The following PPARA variants were observed in gnomAD, a reference collection of about 807,000 sequenced individuals.
The protein encoded by PPARA is peroxisome proliferator-activated receptor alpha.
In PPARA, 22 loss-of-function variants were observed where a neutral mutation model predicts 42.2. The ratio of observed to expected loss-of-function variants is 0.52; its 90% CI spans 0.37 to 0.74. The LOEUF (loss-of-function observed/expected upper bound fraction) is 0.74, where lower values mean the gene tolerates loss of function less well. PPARA is among the 30% of genes least tolerant of loss of function. The pLI is 0.00. For synonymous variants in PPARA, 242 were observed against 239.3 expected (o/e 1.01, Z -0.10); for missense variants, 465 against 608.2 (o/e 0.76, Z 2.48).
In PPARA at chr22:46,180,488, G is replaced by A. The variant is rs761735961; in HGVS notation, c.-43+3652G>A. Among the ~76,000 whole-genome samples, 50 of 152,300 alleles carry A rather than the reference G, an allele frequency of 3.3e-4. No individual in the cohort carries two copies. Among genetic ancestry groups the A allele is most frequent in the Non-Finnish European group, 5.9e-4 (40 of 68,024 alleles). ...AGCCTCCATGTATTTTGTAAGTTCT[G>A]TAAATTCCTGTTTTCCCTGCACAGC... On this transcript the variant is annotated intron_variant, in intron 3 of 8. Transcript: ENST00000407236. This position sits in a 1 kb window ranked among gnomAD's most constrained non-coding sequence, Gnocchi z 4.2.
chr22:46,160,550 C>G lies in PPARA; in HGVS notation c.-127+8580C>G, dbSNP rs1204288441. 3.3e-5 allele frequency among the ~76,000 whole-genome samples: 5 copies of G among 152,150 alleles called. No homozygotes were observed. Among genetic ancestry groups the G allele is most frequent in the Non-Finnish European group, 7.3e-5 (5 of 68,032 alleles). On this transcript the variant is annotated intron_variant, in intron 2 of 8. Coordinates refer to ENST00000407236, the MANE Select transcript of PPARA (RefSeq NM_005036.6). The surrounding 1 kb of genome is among the most constrained non-coding windows in gnomAD (Gnocchi z 4.5). ...CGGCCTCATGATCCGCCCTCTGCAGCCTCCCAAAGTGCTGGGATTACAGGC... is the reference window on the plus strand; with the variant it reads ...CGGCCTCATGATCCGCCCTCTGCAGGCTCCCAAAGTGCTGGGATTACAGGC...
chr22:46,186,809 C>T (rs1216079478), intron 3 of PPARA, among the ~76,000 whole-genome samples: 1 of 152,120 alleles, frequency 6.6e-6, no homozygotes, highest in African/African-American at 2.4e-5. Flanking sequence ...CTCCAAGCCC[C>T]CACAGTGGAT....
At chr22:46,194,481 C>T (rs1931957132) in intron 3 of PPARA, among the ~76,000 whole-genome samples, 1 of 152,068 alleles carries the variant, frequency 6.6e-6, no homozygotes, top group South Asian at 2.1e-4. Flanking sequence ...GCATTTTCCA[C>T]CCCAGTGCTG....
At position 46,160,843 on chromosome 22, in the gene PPARA, C is replaced by T. The variant is rs536474021; in HGVS notation, c.-127+8873C>T. ...AACTCCTGGGCTCAAGTGATCTGTCCGCCTTGGCCTCCCAAAGTGTTGGGA... is the reference window on the plus strand; with the variant it reads ...AACTCCTGGGCTCAAGTGATCTGTCTGCCTTGGCCTCCCAAAGTGTTGGGA... On this transcript the variant is annotated intron_variant, in intron 2 of 8. Coordinates refer to ENST00000407236, the MANE Select transcript of PPARA (RefSeq NM_005036.6). The surrounding 1 kb of genome is among the most constrained non-coding windows in gnomAD (Gnocchi z 4.5). Among the ~76,000 whole-genome samples, 22 of 152,310 alleles carry T rather than the reference C, an allele frequency of 1.4e-4. No individual in the cohort carries two copies. Among genetic ancestry groups the T allele is most frequent in the South Asian group, 6.2e-4 (3 of 4,828 alleles).
At position 46,161,836 on chromosome 22, in the gene PPARA, G is replaced by A. The variant is rs949157696; in HGVS notation, c.-127+9866G>A. Among the ~76,000 whole-genome samples the A allele has an allele frequency of 6.6e-5, 10 of 152,260 alleles. No homozygotes were observed. The highest frequency in any genetic ancestry group is 1.3e-4 in the Non-Finnish European group (9 of 68,016). On this transcript the variant is annotated intron_variant, in intron 2 of 8. Coordinates refer to ENST00000407236, the MANE Select transcript of PPARA (RefSeq NM_005036.6). The surrounding 1 kb of genome is among the most constrained non-coding windows in gnomAD (Gnocchi z 4.8). Reference sequence around the variant, plus strand: ...TTCCGCGCTAGCGTTTGGTCCCTGCGCTTTTCTGGATGCCCCCACCCCCTC... The same window carrying A: ...TTCCGCGCTAGCGTTTGGTCCCTGCACTTTTCTGGATGCCCCCACCCCCTC...
intron 5 of PPARA, among the ~76,000 whole-genome samples, chr22:46,217,384 C>G (rs1400905777): frequency 1.3e-5 from 2 of 152,110 alleles, no homozygotes; most frequent in African/African-American, 4.8e-5. Flanking sequence ...TATAAAGTGG[C>G]CTTTTCCTTA....
In PPARA at chr22:46,194,592, G is replaced by C. The variant is rs867618763; in HGVS notation, c.-42-3750G>C. Among the ~76,000 whole-genome samples the C allele has an allele frequency of 2.6e-3, 241 of 93,830 alleles. 1 individual carries two copies. The highest frequency in any genetic ancestry group is 8.9e-3 in the African/African-American group (218 of 24,370). 61.6% of individuals were successfully genotyped at this position (93,830 alleles called of 152,430 possible). A position where few individuals can be genotyped will look rare whatever the true frequency, so the allele number is the denominator to read the frequency against. ...CCTTTTTTTTTTTTTTTTTTTTTGT[G>C]ACAGAGTCTCGCTTTGTCACCCAGA... On this transcript the variant is annotated intron_variant, in intron 3 of 8. Transcript: ENST00000407236.
rs1442818438 is a variant in PPARA, at chr22:46,162,294, G to A, written c.-127+10324G>A. 6.6e-6 allele frequency among the ~76,000 whole-genome samples: 1 copy of A among 152,166 alleles called. No homozygotes were observed. The highest frequency in any genetic ancestry group is 1.9e-4 in the East Asian group (1 of 5,190). On this transcript the variant is annotated intron_variant, in intron 2 of 8. Coordinates refer to ENST00000407236, the MANE Select transcript of PPARA (RefSeq NM_005036.6). The surrounding 1 kb of genome is among the most constrained non-coding windows in gnomAD (Gnocchi z 6.0). Reference sequence around the variant, plus strand: ...CTTAATGTTGTCCCATCCATCCAATGTTTATGGGATGAGAGGTTGATAGGA... The same window carrying A: ...CTTAATGTTGTCCCATCCATCCAATATTTATGGGATGAGAGGTTGATAGGA...
chr22:46,214,422 G>A (rs765493532), intron 4 of PPARA, among the ~76,000 whole-genome samples: 2 of 151,624 alleles, frequency 1.3e-5, no homozygotes, highest in Non-Finnish European at 2.9e-5. Flanking sequence ...TGTGCGGATC[G>A]GAGATGTGGA....
At chr22:46,158,951 G>A (rs1054405279) in intron 2 of PPARA, among the ~76,000 whole-genome samples, 4 of 152,136 alleles carry the variant, frequency 2.6e-5, no homozygotes, top group Non-Finnish European at 4.4e-5. Flanking sequence ...GTGCACTGGC[G>A]TGATCTCGGC....
rs565871850 is a variant in PPARA at position 46,224,696 on chromosome 22, G to A, written c.711+4682G>A. ...GTAAACTAATGGATTCATACGAACC[G>A]TAATGAACGTGGGCTGTGTGCTGGG... On this transcript the variant is annotated intron_variant, in intron 7 of 8. Coordinates refer to ENST00000407236, the MANE Select transcript of PPARA (RefSeq NM_005036.6). This position sits in a 1 kb window ranked among gnomAD's most constrained non-coding sequence, Gnocchi z 5.7. Among the ~76,000 whole-genome samples, 21 of 152,186 alleles carry A rather than the reference G, an allele frequency of 1.4e-4. 1 individual carries two copies. The highest frequency in any genetic ancestry group is 4.6e-4 in the African/African-American group (19 of 41,540).
rs1380242733 is a variant in PPARA at position 46,231,548 on chromosome 22, T to C, written c.712-244T>C. ...GTACTTCAGTTTCTTAGCGATGAAA[T>C]CCACCCAATGTCAGGCGATGACTAT... On this transcript the variant is annotated intron_variant, in intron 7 of 8. Coordinates refer to ENST00000407236, the MANE Select transcript of PPARA (RefSeq NM_005036.6). This position sits in a 1 kb window ranked among gnomAD's most constrained non-coding sequence, Gnocchi z 7.7. Among the ~76,000 whole-genome samples, 1 of 152,136 alleles carries C rather than the reference T, an allele frequency of 6.6e-6. No individual in the cohort carries two copies. Among genetic ancestry groups the C allele is most frequent in the Non-Finnish European group, 1.5e-5 (1 of 68,012 alleles).
rs145903657 is a variant in PPARA at position 46,175,700 on chromosome 22, C to T, written c.-126-1053C>T. ...CTGCACTCCAGACTGGGTGACAAAG[C>T]GAGACTCCATCTTAAAAAAAAAAAA... is the stretch of plus-strand genomic sequence containing the variant. On this transcript the variant is annotated intron_variant, in intron 2 of 8. Coordinates refer to ENST00000407236, the MANE Select transcript of PPARA (RefSeq NM_005036.6). 3.7e-3 allele frequency among the ~76,000 whole-genome samples: 544 copies of T among 146,956 alleles called. 7 individuals are homozygous for T. Among genetic ancestry groups the T allele is most frequent in the African/African-American group, 0.013 (500 of 39,614 alleles).
At chr22:46,205,554 A>ATTTTTTTTTT (rs1322589111) in intron 4 of PPARA, among the ~76,000 whole-genome samples, 1 of 12,926 alleles carries the variant, frequency 7.7e-5, no homozygotes, top group African/African-American at 2.1e-4. Flanking sequence ...ATATATATAT[A>ATTTTTTTTTT]TTTTTTTTTT....
At position 46,238,416 on chromosome 22, in the gene PPARA, A is replaced by G. The variant is rs535339104; in HGVS notation, c.*3036A>G. Reference sequence around the variant, plus strand: ...TGCTGGGTTTCAACAGACATCAGCCAAAAGAACAAAAGAGATGTCAGGACA... The same window carrying G: ...TGCTGGGTTTCAACAGACATCAGCCGAAAGAACAAAAGAGATGTCAGGACA... On this transcript the variant is annotated 3_prime_UTR_variant, in exon 9 of 9. Coordinates refer to ENST00000407236, the MANE Select transcript of PPARA (RefSeq NM_005036.6). The surrounding 1 kb of genome is among the most constrained non-coding windows in gnomAD (Gnocchi z 8.3). 1 of 152,378 alleles carries G rather than the reference A, an allele frequency of 6.6e-6. No homozygotes were observed. Among genetic ancestry groups the G allele is most frequent in the East Asian group, 1.9e-4 (1 of 5,190 alleles). 9.4% of individuals were successfully genotyped at this position (152,378 alleles called of 1,614,324 possible).
At chr22:46,172,132 C>G (rs759811116) in intron 2 of PPARA, among the ~76,000 whole-genome samples, 2 of 151,866 alleles carry the variant, frequency 1.3e-5, no homozygotes, top group Non-Finnish European at 2.9e-5. Context: ...AAGCCATGCT[C>G]GAGAAGAGCC....
rs1387533308 is a variant in PPARA at position 46,167,205 on chromosome 22, C to T, written c.-126-9548C>T. On this transcript the variant is annotated intron_variant, in intron 2 of 8. Coordinates refer to ENST00000407236, the MANE Select transcript of PPARA (RefSeq NM_005036.6). The surrounding 1 kb of genome is among the most constrained non-coding windows in gnomAD (Gnocchi z 4.1). ...TGCAAAAGAACCTCAACCTTCAGCT[C>T]ACAGCACTACAAACTCATAATTATT... 6.6e-6 allele frequency among the ~76,000 whole-genome samples: 1 copy of T among 151,628 alleles called. No homozygotes were observed. The highest frequency in any genetic ancestry group is 2.4e-5 in the African/African-American group (1 of 41,318).
In PPARA at chr22:46,190,689, G is replaced by A. The variant is rs906819819; in HGVS notation, c.-42-7653G>A. Among the ~76,000 whole-genome samples, 3 of 152,174 alleles carry A rather than the reference G, an allele frequency of 2.0e-5. No homozygotes were observed. Among genetic ancestry groups the A allele is most frequent in the Non-Finnish European group, 4.4e-5 (3 of 68,034 alleles). ...CACCTGGGCCCGGGAGATCAAGGCTGCGGTGAGCCATGATCTTGCCATTGC... is the reference window on the plus strand; with the variant it reads ...CACCTGGGCCCGGGAGATCAAGGCTACGGTGAGCCATGATCTTGCCATTGC... On this transcript the variant is annotated intron_variant, in intron 3 of 8. Transcript: ENST00000407236. The surrounding 1 kb of genome is among the most constrained non-coding windows in gnomAD (Gnocchi z 5.6).
At chr22:46,198,658 C>CATT in intron 4 of PPARA, 67 bp downstream of exon 4, 1 of 843,224 alleles carries the variant, frequency 1.2e-6, no homozygotes, top group Non-Finnish European at 1.7e-6. Flanking sequence ...ACTGTTCTCT[C>CATT]TTTTTTTTTT....
Sources: gnomAD v4.1 joint callset for allele counts (sites outside exome capture counted in the v4.1 genomes callset) on GRCh38, gnomAD v4.1.1 for gene constraint, Gnocchi (gnomAD v3.1) non-coding constraint, MANE v1.5 for transcripts, NCBI Gene and HGNC (gene_info 2026-07-23, HGNC 2026-07-21) for gene names.